Variants in SOBP observed in about 807,000 individuals in gnomAD.
SOBP encodes sine oculis-binding protein homolog.
SOBP carries 4 observed loss-of-function variants against 53.6 expected under a neutral mutation model. The ratio of observed to expected loss-of-function variants is 0.07; its 90% CI spans 0.04 to 0.17. The LOEUF (loss-of-function observed/expected upper bound fraction) is 0.17. Among genes scored for constraint, SOBP ranks in the 10% least tolerant of loss-of-function variants. The probability of loss-of-function intolerance (pLI) is 1.00; values close to 1 mark genes in which losing one functional copy is unlikely to be tolerated. For missense variants in SOBP, 1,088 were observed against 1,204.7 expected (o/e 0.90, Z 1.43); for synonymous variants, 584 against 522.6 (o/e 1.12, Z -1.60).
chr6:107,557,719 T>C (rs1279983382), intron 4 of SOBP: 1 of 152,202 alleles, frequency 6.6e-6, no homozygotes, highest in East Asian at 1.9e-4. Context: ...ACACAAGGGA[T>C]TTCCTGTCAC....
intron 5 of SOBP, among the ~76,000 whole-genome samples, chr6:107,587,656 C>G (rs1300183071): frequency 6.6e-6 from 1 of 152,242 alleles, no homozygotes; most frequent in South Asian, 2.1e-4. Context: ...CAAACTTAAT[C>G]GTCTCTCCTA....
At chr6:107,521,755 C>G (rs1562587418) in intron 3 of SOBP, among the ~76,000 whole-genome samples, 1 of 152,102 alleles carries the variant, frequency 6.6e-6, no homozygotes, top group Non-Finnish European at 1.5e-5. Context: ...CTCCATTCCC[C>G]CACTGGGTAT....
At chr6:107,511,742 G>A (rs1051715705) in intron 3 of SOBP, 3 of 152,012 alleles carry the variant, frequency 2.0e-5, no homozygotes, top group Non-Finnish European at 2.9e-5. Flanking sequence ...CTTTTCTCTG[G>A]AGAAGGGGAG....
At chr6:107,593,562 G>A (rs1041791267) in intron 5 of SOBP, among the ~76,000 whole-genome samples, 1 of 152,206 alleles carries the variant, frequency 6.6e-6, no homozygotes, top group African/African-American at 2.4e-5. Flanking sequence ...TGTGCTAGCT[G>A]TGCACTCTGG....
chr6:107,541,374 G>A (rs950121131), intron 4 of SOBP, among the ~76,000 whole-genome samples: 7 of 152,124 alleles, frequency 4.6e-5, no homozygotes, highest in Admixed American at 2.0e-4. Flanking sequence ...ACCTTTGATC[G>A]TAGAAAAACA....
At chr6:107,649,640 C>T (rs1303400355) in intron 6 of SOBP, among the ~76,000 whole-genome samples, 1 of 145,668 alleles carries the variant, frequency 6.9e-6, no homozygotes, top group Non-Finnish European at 1.5e-5. Context: ...TGGGAGTGAA[C>T]AGAGCCATCT....
intron 4 of SOBP, among the ~76,000 whole-genome samples, chr6:107,577,042 A>G (rs912175945): frequency 1.3e-5 from 2 of 152,316 alleles, no homozygotes; most frequent in South Asian, 2.1e-4. Flanking sequence ...TACCCTCACC[A>G]GCATATGCCC....
chr6:107,635,705 G>T lies in SOBP; in HGVS notation c.*3+236G>T, dbSNP rs368777001. 6.6e-6 allele frequency among the ~76,000 whole-genome samples: 1 copy of T among 152,184 alleles called. No individual in the cohort carries two copies. Among genetic ancestry groups the T allele is most frequent in the African/African-American group, 2.4e-5 (1 of 41,428 alleles). Reference sequence around the variant, plus strand: ...CTGAGCCACAGCATGTGAGTGCCAAGCCCCGGGTCACTTACTTGAGGGGAG... The same window carrying T: ...CTGAGCCACAGCATGTGAGTGCCAATCCCCGGGTCACTTACTTGAGGGGAG... On this transcript the variant is annotated intron_variant, in intron 6 of 6. Transcript: ENST00000317357. This position sits in a 1 kb window ranked among gnomAD's most constrained non-coding sequence, Gnocchi z 4.5.
intron 4 of SOBP, among the ~76,000 whole-genome samples, chr6:107,579,877 G>A (rs759008911): frequency 2.0e-5 from 3 of 152,228 alleles, no homozygotes; most frequent in Non-Finnish European, 4.4e-5. Flanking sequence ...CATCAGAGGT[G>A]TGTGAGCTGT....
At chr6:107,559,373 T>C (rs1044913859) in intron 4 of SOBP, among the ~76,000 whole-genome samples, 5 of 152,218 alleles carry the variant, frequency 3.3e-5, no homozygotes, top group African/African-American at 1.2e-4. Context: ...GCTACACTAG[T>C]TGACCAGCAT....
At chr6:107,609,247 A>G (rs2115098379) in intron 5 of SOBP, among the ~76,000 whole-genome samples, 1 of 152,366 alleles carries the variant, frequency 6.6e-6, no homozygotes, top group East Asian at 1.9e-4. Context: ...GGAAATGATT[A>G]ACAGTAACTG....
intron 6 of SOBP, among the ~76,000 whole-genome samples, chr6:107,654,080 ATGCATTTGGTG>A (rs1471616090): frequency 6.6e-6 from 1 of 152,318 alleles, no homozygotes; most frequent in East Asian, 1.9e-4. Flanking sequence ...GAGTCTCTCA[ATGCATTTGGTG>A]TGCAGTTACG....
At chr6:107,504,140 G>C (rs1782917297) in intron 2 of SOBP, among the ~76,000 whole-genome samples, 1 of 152,224 alleles carries the variant, frequency 6.6e-6, no homozygotes, top group African/African-American at 2.4e-5. Context: ...ATCTGTTGGG[G>C]ACTGGGGTTT....
In SOBP at chr6:107,633,680, T is replaced by C. The variant is rs1351727282; in HGVS notation, c.836T>C (p.Leu279Ser). The change falls in exon 6 of 7, where the codon TTA becomes TCA. Residue 279 changes from leucine (L) to serine (S), a missense_variant. Physicochemically the swap from Leu to Ser is moderately radical, Grantham distance 145. This residue lies in a region of SOBP where 211 missense variants were observed against 258.9 expected (regional missense o/e 0.82). Coordinates refer to ENST00000317357, the MANE Select transcript of SOBP (RefSeq NM_018013.4). ...ANLPAGLCST[L>S]HPPMENKAEG... ...CTTCCAGCTGGGCTGTGCAGCACAT[T>C]ACACCCTCCCATGGAAAATAAAGCA... is the stretch of plus-strand genomic sequence containing the variant. 6.2e-7 allele frequency: 1 copy of C among 1,614,210 alleles called. No homozygotes were observed. The highest frequency in any genetic ancestry group is 8.5e-7 in the Non-Finnish European group (1 of 1,180,036).
intron 4 of SOBP, among the ~76,000 whole-genome samples, chr6:107,547,120 T>C (rs1447686793): frequency 6.6e-6 from 1 of 152,218 alleles, no homozygotes; most frequent in African/African-American, 2.4e-5. Context: ...CACAGAGAAT[T>C]ACCCTCCGCC....
intron 5 of SOBP, 141 bp from the exon 6 acceptor site, chr6:107,633,373 T>C: frequency 9.5e-7 from 1 of 1,049,032 alleles, no homozygotes; most frequent in Non-Finnish European, 1.5e-6. Context: ...TTCAGAATTT[T>C]ACCTTTTAGA....
At chr6:107,547,851 A>G (rs1009303177) in intron 4 of SOBP, among the ~76,000 whole-genome samples, 1 of 152,192 alleles carries the variant, frequency 6.6e-6, no homozygotes, top group Admixed American at 6.5e-5. Flanking sequence ...TTCAGATGTC[A>G]TGCTTCGGGG....
intron 3 of SOBP, 27 bp from the exon 4 acceptor site, chr6:107,533,432 A>C: frequency 6.2e-7 from 1 of 1,613,646 alleles, no homozygotes; most frequent in Non-Finnish European, 8.5e-7. Flanking sequence ...TTCTGATATG[A>C]ACATTTTTCT....
In SOBP at chr6:107,660,490, T is replaced by C. The variant is rs1254778952; in HGVS notation, c.*2287T>C. Reference sequence around the variant, plus strand: ...TCTTCAAGTCCTGATCTTTTTTGGCTCCAAGGGTTCAGGCCTGAGGTTCAA... The same window carrying C: ...TCTTCAAGTCCTGATCTTTTTTGGCCCCAAGGGTTCAGGCCTGAGGTTCAA... On this transcript the variant is annotated 3_prime_UTR_variant, in exon 7 of 7. Transcript: ENST00000317357. Among the ~76,000 whole-genome samples the C allele has an allele frequency of 1.3e-5, 2 of 152,164 alleles. No homozygotes were observed. The highest frequency in any genetic ancestry group is 2.9e-5 in the Non-Finnish European group (2 of 68,014).
Sources: allele counts gnomAD v4.1 joint callset (sites outside exome capture counted in the v4.1 genomes callset), GRCh38; gene constraint gnomAD v4.1.1; regional missense constraint gnomAD v4.1.1; non-coding constraint Gnocchi (gnomAD v3.1); transcripts MANE v1.5; gene names NCBI Gene and HGNC (gene_info 2026-07-23, HGNC 2026-07-21).